MICU1: variants seen among roughly 807,000 people sequenced by gnomAD.
MICU1 encodes calcium uptake protein 1, mitochondrial.
Under a neutral mutation model 56.8 loss-of-function variants are expected in MICU1, and 45 were observed. The ratio of observed to expected loss-of-function variants is 0.79; its 90% CI spans 0.62 to 1.02. The LOEUF (loss-of-function observed/expected upper bound fraction) is 1.02, where lower values mean the gene tolerates loss of function less well. Ranked by LOEUF, MICU1 falls within the 50% of genes least tolerant of loss-of-function variation. The pLI is 0.00. For missense variants in MICU1, 504 were observed against 587.1 expected (o/e 0.86, Z 1.46); for synonymous variants, 186 against 195.1 (o/e 0.95, Z 0.39).
chr10:72,586,664 A>C (rs965019808), intron 1 of MICU1, among the ~76,000 whole-genome samples: 8 of 151,896 alleles, frequency 5.3e-5, no homozygotes, highest in East Asian at 1.9e-4. Context: ...AAAAAAAAAA[A>C]CCCATAGATA....
rs192744662 is a variant in MICU1, at chr10:72,440,810, T to C, written c.934-17439A>G. On this transcript the variant is annotated intron_variant, in intron 8 of 11. Transcript: ENST00000361114. ...AGACACATGAAAAAATGCTCATCATTACTGGTCATCAGAGAAATGCAAATC... is the reference window on the plus strand; with the variant it reads ...AGACACATGAAAAAATGCTCATCATCACTGGTCATCAGAGAAATGCAAATC... Among the ~76,000 whole-genome samples the C allele has an allele frequency of 2.8e-3, 434 of 152,286 alleles. 3 individuals are homozygous for C. The highest frequency in any genetic ancestry group is 9.8e-3 in the African/African-American group (409 of 41,576).
At chr10:72,555,711 T>A (rs937487288) in intron 3 of MICU1, among the ~76,000 whole-genome samples, 1 of 152,168 alleles carries the variant, frequency 6.6e-6, no homozygotes, top group Non-Finnish European at 1.5e-5. Context: ...TGACCATGGA[T>A]GGAAGATTAG....
At chr10:72,567,442 C>G (rs1395798341) in intron 1 of MICU1, among the ~76,000 whole-genome samples, 9 of 152,172 alleles carry the variant, frequency 5.9e-5, no homozygotes, top group African/African-American at 1.9e-4. Context: ...TGACACAGAG[C>G]ACCAAGAAAA....
At chr10:72,450,635 G>A (rs1160529136) in intron 8 of MICU1, among the ~76,000 whole-genome samples, 2 of 151,800 alleles carry the variant, frequency 1.3e-5, no homozygotes, top group African/African-American at 4.8e-5. Context: ...ATCATGCTTT[G>A]TTTCTGCCTT....
At position 72,609,304 on chromosome 10, in the gene MICU1, C is replaced by T. The variant is rs1841774831; in HGVS notation, c.-2+16706G>A. On this transcript the variant is annotated intron_variant, in intron 1 of 11. Coordinates refer to ENST00000361114, the MANE Select transcript of MICU1 (RefSeq NM_001195518.2). ...TGAAAATGAATAGTGGCAATAGCTG[C>T]ATGACATGTTGAATGTACTTAATGA... Among the ~76,000 whole-genome samples, 6 of 152,276 alleles carry T rather than the reference C, an allele frequency of 3.9e-5. No homozygotes were observed. In the South Asian group the frequency reaches 1.2e-3, roughly 32 times the overall value.
At chr10:72,615,897 G>A (rs1289275716) in intron 1 of MICU1, among the ~76,000 whole-genome samples, 2 of 152,124 alleles carry the variant, frequency 1.3e-5, no homozygotes, top group African/African-American at 4.8e-5. Flanking sequence ...GCTGAGGCAG[G>A]AGAATGGCGT....
At chr10:72,440,863 C>G (rs964942274) in intron 8 of MICU1, among the ~76,000 whole-genome samples, 2 of 151,878 alleles carry the variant, frequency 1.3e-5, no homozygotes, top group African/African-American at 4.8e-5. Context: ...CCATCTCATG[C>G]CAGTTAGAAT....
At chr10:72,416,567 T>C (rs1863989941) in intron 9 of MICU1, among the ~76,000 whole-genome samples, 1 of 152,228 alleles carries the variant, frequency 6.6e-6, no homozygotes, top group Non-Finnish European at 1.5e-5. Context: ...TTATTAGAAC[T>C]GTTTGATAAG....
intron 8 of MICU1, among the ~76,000 whole-genome samples, chr10:72,451,113 C>T (rs1865285489): frequency 1.3e-5 from 2 of 151,488 alleles, no homozygotes; most frequent in South Asian, 4.2e-4. Context: ...CAACCTCCGC[C>T]TTTCTGGTTC....
chr10:72,441,365 C>A (rs1213779861), intron 8 of MICU1, among the ~76,000 whole-genome samples: 1 of 149,058 alleles, frequency 6.7e-6, no homozygotes, highest in African/African-American at 2.5e-5. Context: ...AATGAGGTCA[C>A]TTGAACAGGG....
rs567913694 is a variant in MICU1 at position 72,469,991 on chromosome 10, G to A, written c.933+5109C>T. On this transcript the variant is annotated intron_variant, in intron 8 of 11. Transcript: ENST00000361114. ...CATTTAATGCAATCACCTCTTTAAAGACCTTATCTCCAAGTAAAGTCATAT... is the reference window on the plus strand; with the variant it reads ...CATTTAATGCAATCACCTCTTTAAAAACCTTATCTCCAAGTAAAGTCATAT... Among the ~76,000 whole-genome samples the A allele has an allele frequency of 2.2e-4, 34 of 152,238 alleles. No individual in the cohort carries two copies. The South Asian group carries it at 4.6e-3, about 20-fold the overall frequency.
At chr10:72,500,391 G>A (rs923826531) in intron 6 of MICU1, among the ~76,000 whole-genome samples, 1 of 138,242 alleles carries the variant, frequency 7.2e-6, no homozygotes, top group African/African-American at 2.7e-5. Context: ...TCAGCTCACT[G>A]CCGGATCACT....
At chr10:72,368,581 T>C (rs191925683) in intron 11 of MICU1, among the ~76,000 whole-genome samples, 1 of 152,284 alleles carries the variant, frequency 6.6e-6, no homozygotes, top group East Asian at 1.9e-4. Context: ...GAAAATACAG[T>C]ATATGCCAGG....
At chr10:72,577,373 G>A (rs1840775227) in intron 1 of MICU1, among the ~76,000 whole-genome samples, 1 of 151,998 alleles carries the variant, frequency 6.6e-6, no homozygotes, top group Admixed American at 6.6e-5. Context: ...GCCAGGCATG[G>A]TGGCACATGC....
chr10:72,572,784 G>C (rs548673734), intron 1 of MICU1, among the ~76,000 whole-genome samples: 1 of 151,802 alleles, frequency 6.6e-6, no homozygotes, highest in East Asian at 1.9e-4. Context: ...CCCATCAAAC[G>C]GGCAAAAATC....
At chr10:72,620,945 A>T (rs932331370) in intron 1 of MICU1, among the ~76,000 whole-genome samples, 12 of 152,156 alleles carry the variant, frequency 7.9e-5, no homozygotes, top group Admixed American at 7.9e-4. Flanking sequence ...ATGATTGGCC[A>T]GGCATGGTGG....
intron 5 of MICU1, among the ~76,000 whole-genome samples, chr10:72,530,801 T>C (rs1005278682): frequency 6.6e-6 from 1 of 152,210 alleles, no homozygotes; most frequent in African/African-American, 2.4e-5. Context: ...GTTGAAATAG[T>C]AATGTCTTAT....
intron 10 of MICU1, among the ~76,000 whole-genome samples, chr10:72,384,422 C>G (rs1862822514): frequency 6.6e-6 from 1 of 152,162 alleles, no homozygotes; most frequent in Admixed American, 6.5e-5. Flanking sequence ...AGTAATCATT[C>G]TTTTTCTGAT....
intron 6 of MICU1, 123 bp from the exon 7 acceptor site, chr10:72,477,379 A>C (rs1436362583): frequency 1.7e-6 from 2 of 1,171,402 alleles, no homozygotes; most frequent in Admixed American, 4.9e-5. Flanking sequence ...TGACTGAGTC[A>C]AAGTCTCAAT....
Sources: allele counts gnomAD v4.1 joint callset (sites outside exome capture counted in the v4.1 genomes callset), GRCh38; gene constraint gnomAD v4.1.1; transcripts MANE v1.5; gene names NCBI Gene and HGNC (gene_info 2026-07-23, HGNC 2026-07-21).